Variants in SLCO1A2 observed in about 807,000 individuals in gnomAD.
SLCO1A2 encodes the protein solute carrier organic anion transporter family member 1A2.
Under a neutral mutation model 69.0 loss-of-function variants are expected in SLCO1A2, and 67 were observed. That is an observed-to-expected ratio of 0.97 (90% CI 0.80 to 1.19). The LOEUF (loss-of-function observed/expected upper bound fraction) is 1.19, where lower values mean the gene tolerates loss of function less well. Among genes scored for constraint, SLCO1A2 ranks in the 50% most tolerant of loss-of-function variants. The pLI, the probability that SLCO1A2 is intolerant of heterozygous loss-of-function variation, is 0.00. For missense variants in SLCO1A2, 787 were observed against 793.7 expected (o/e 0.99, Z 0.10); for synonymous variants, 260 against 265.9 (o/e 0.98, Z 0.22).
intron 12 of SLCO1A2, among the ~76,000 whole-genome samples, chr12:21,291,497 C>G (rs1378183873): frequency 1.3e-5 from 2 of 152,100 alleles, no homozygotes; most frequent in Non-Finnish European, 2.9e-5. Context: ...CTGAACTCTA[C>G]TTTAGAGCTC....
In SLCO1A2 at chr12:21,266,602, T is replaced by C. The variant is rs1942088845; in HGVS notation, c.*2946A>G. 1 of 152,086 alleles carries C rather than the reference T, an allele frequency of 6.6e-6. No individual in the cohort carries two copies. The highest frequency in any genetic ancestry group is 1.5e-5 in the Non-Finnish European group (1 of 68,014). The allele number at this position is 152,086 out of a possible 1,614,324, so 9.4% of individuals were successfully genotyped here. On this transcript the variant is annotated 3_prime_UTR_variant, in exon 15 of 15. Transcript: ENST00000683939. ...TTCTGGTTCTGTCTCCATGTCTATA[T>C]ACACAATGATCGCCCTTCTGGGAGG...
rs76352290 is a variant in SLCO1A2 at position 21,304,150 on chromosome 12, T to C, written c.589+277A>G. On this transcript the variant is annotated intron_variant, in intron 6 of 14. Transcript: ENST00000683939. ...AAACATTTGCAAATCTCTTAACAGATTGGATGTAGTGTAGTGCCAAGCAGA... is the reference window on the plus strand; with the variant it reads ...AAACATTTGCAAATCTCTTAACAGACTGGATGTAGTGTAGTGCCAAGCAGA... Among the ~76,000 whole-genome samples, 1,124 of 152,224 alleles carry C rather than the reference T, an allele frequency of 7.4e-3. 10 individuals carry two copies. The highest frequency in any genetic ancestry group is 0.026 in the African/African-American group (1,062 of 41,540).
chr12:21,274,266 T>C, intron 14 of SLCO1A2: 1 of 483,352 alleles, frequency 2.1e-6, no homozygotes, highest in South Asian at 3.2e-5. Flanking sequence ...TGTATGCTTA[T>C]ATTTACCAAG....
At chr12:21,308,855 GTTA>G (rs1443976047) in intron 4 of SLCO1A2, among the ~76,000 whole-genome samples, 3 of 152,102 alleles carry the variant, frequency 2.0e-5, no homozygotes, top group African/African-American at 7.2e-5. Flanking sequence ...TCTTGTTGTT[GTTA>G]TTCCTCCCTC....
intron 12 of SLCO1A2, among the ~76,000 whole-genome samples, chr12:21,287,154 A>T (rs1278888331): frequency 7.3e-6 from 1 of 136,224 alleles, no homozygotes; most frequent in African/African-American, 2.9e-5. Context: ...GAACTCAAAC[A>T]AATTTACAAG....
chr12:21,297,894 C>T (rs1395111015), intron 8 of SLCO1A2, among the ~76,000 whole-genome samples: 1 of 152,104 alleles, frequency 6.6e-6, no homozygotes, highest in African/African-American at 2.4e-5. Flanking sequence ...TATTACTAAC[C>T]TTTTGTTCTT....
intron 14 of SLCO1A2, among the ~76,000 whole-genome samples, chr12:21,272,950 G>A (rs1007993633): frequency 6.6e-6 from 1 of 152,120 alleles, no homozygotes; most frequent in Non-Finnish European, 1.5e-5. Context: ...TACTTCATTT[G>A]TAAGCTAACA....
rs926304274 is a variant in SLCO1A2 at position 21,267,582 on chromosome 12, T to A, written c.*1966A>T. 1 of 152,108 alleles carries A rather than the reference T, an allele frequency of 6.6e-6. No homozygotes were observed. Among genetic ancestry groups the A allele is most frequent in the African/African-American group, 2.4e-5 (1 of 41,422 alleles). 9.4% of individuals were successfully genotyped at this position (152,108 alleles called of 1,614,324 possible). On this transcript the variant is annotated 3_prime_UTR_variant, in exon 15 of 15. Coordinates refer to ENST00000683939, the MANE Select transcript of SLCO1A2 (RefSeq NM_001386879.1). Reference sequence around the variant, plus strand: ...TAAATAGCCACAGAATTCCAAACTATCTCTCATTCCCCTTCTTCTAATTTC... The same window carrying A: ...TAAATAGCCACAGAATTCCAAACTAACTCTCATTCCCCTTCTTCTAATTTC...
Position 21,373,344 on chromosome 12 carries a change from G to A in SLCO1A2, c.-63+1055C>T, listed in dbSNP as rs777036230. 1.9e-6 allele frequency: 3 copies of A among 1,604,710 alleles called. No homozygotes were observed. In the Admixed American group the frequency reaches 5.0e-5, roughly 27 times the overall value. ...CTGGATTATTCTTTGCAGAAAATTTGAGAAGCAATGGGCATCCTGAAGCTG... is the reference window on the plus strand; with the variant it reads ...CTGGATTATTCTTTGCAGAAAATTTAAGAAGCAATGGGCATCCTGAAGCTG... On this transcript the variant is annotated intron_variant, in intron 2 of 15. Transcript: ENST00000307378.
At chr12:21,417,271 C>T (rs541841394) in intron 1 of SLCO1A2, among the ~76,000 whole-genome samples, 2 of 151,694 alleles carry the variant, frequency 1.3e-5, no homozygotes, top group African/African-American at 4.8e-5. Flanking sequence ...ATAATATTTA[C>T]ATAGTCATAA....
chr12:21,303,955 A>G (rs1949037785), intron 6 of SLCO1A2, among the ~76,000 whole-genome samples: 1 of 152,190 alleles, frequency 6.6e-6, no homozygotes, highest in Non-Finnish European at 1.5e-5. Context: ...TGATTAAAAC[A>G]ATGCTTGAGA....
chr12:21,356,203 T>C (rs1938351674), intron 2 of SLCO1A2, among the ~76,000 whole-genome samples: 1 of 152,136 alleles, frequency 6.6e-6, no homozygotes, highest in Admixed American at 6.5e-5. Context: ...TGATGGTTTA[T>C]GTAAGAATTA....
chr12:21,382,191 G>A (rs1178314852), intron 1 of SLCO1A2, among the ~76,000 whole-genome samples: 1 of 152,178 alleles, frequency 6.6e-6, no homozygotes, highest in Non-Finnish European at 1.5e-5. Flanking sequence ...CTTGGATGGA[G>A]CTGGAGACCA....
intron 1 of SLCO1A2, among the ~76,000 whole-genome samples, chr12:21,409,885 A>G (rs1174911052): frequency 2.0e-5 from 3 of 152,130 alleles, no homozygotes; most frequent in Admixed American, 6.6e-5. Context: ...CTCAATGAGC[A>G]TTAATTTGTC....
chr12:21,305,589 A>G (rs1283828112), intron 5 of SLCO1A2, among the ~76,000 whole-genome samples: 1 of 152,270 alleles, frequency 6.6e-6, no homozygotes, highest in Admixed American at 6.5e-5. Flanking sequence ...GGCAAAATTG[A>G]AAGCATCAAT....
chr12:21,362,135 C>G (rs1049733275), intron 2 of SLCO1A2, among the ~76,000 whole-genome samples: 3 of 152,104 alleles, frequency 2.0e-5, no homozygotes, highest in African/African-American at 7.2e-5. Flanking sequence ...ATGTTAAGGG[C>G]AGCCAGAGAG....
chr12:21,301,470 A>G (rs777013082), intron 6 of SLCO1A2, among the ~76,000 whole-genome samples: 10 of 152,152 alleles, frequency 6.6e-5, no homozygotes, highest in Non-Finnish European at 1.2e-4. Flanking sequence ...TCATAATTTA[A>G]AGCCACTTTC....
chr12:21,350,826 A>C (rs1937882818), intron 2 of SLCO1A2, among the ~76,000 whole-genome samples: 1 of 96,114 alleles, frequency 1.0e-5, no homozygotes, highest in African/African-American at 4.1e-5. Context: ...ACAGAGCAAG[A>C]CTCTGTCTCA....
intron 2 of SLCO1A2, among the ~76,000 whole-genome samples, chr12:21,363,056 C>G (rs1237383496): frequency 6.6e-6 from 1 of 152,344 alleles, no homozygotes; most frequent in East Asian, 1.9e-4. Flanking sequence ...TAATAGACAT[C>G]TACAGAACTC....
Sources: allele counts gnomAD v4.1 joint callset (sites outside exome capture counted in the v4.1 genomes callset), GRCh38; gene constraint gnomAD v4.1.1; transcripts MANE v1.5; gene names NCBI Gene and HGNC (gene_info 2026-07-23, HGNC 2026-07-21).